Variants in FAM227B observed in about 807,000 individuals in gnomAD.
The protein encoded by FAM227B is family with sequence similarity 227 member B, also known as protein FAM227B.
A neutral mutation model predicts 73.8 loss-of-function variants in FAM227B; 88 were observed. The ratio of observed to expected loss-of-function variants is 1.19; its 90% CI spans 1.00 to 1.42. The LOEUF (loss-of-function observed/expected upper bound fraction) is 1.42. Among genes scored for constraint, FAM227B ranks in the 40% most tolerant of loss-of-function variants. The pLI, the probability that FAM227B is intolerant of heterozygous loss-of-function variation, is 0.00. For missense variants in FAM227B, 632 were observed against 590.9 expected (o/e 1.07, Z -0.72); for synonymous variants, 210 against 190.5 (o/e 1.10, Z -0.84).
At chr15:49,393,573 C>A (rs1443986398) in intron 11 of FAM227B, among the ~76,000 whole-genome samples, 1 of 152,060 alleles carries the variant, frequency 6.6e-6, no homozygotes, top group Non-Finnish European at 1.5e-5. Flanking sequence ...AAGATCAAAT[C>A]TGCAAAATTT....
chr15:49,519,929 T>A (rs1018926383), intron 10 of FAM227B, among the ~76,000 whole-genome samples: 1 of 152,210 alleles, frequency 6.6e-6, no homozygotes, highest in South Asian at 2.1e-4. Context: ...TTGGCTTCCC[T>A]TTTAAACATA....
In FAM227B at chr15:49,444,605, T is replaced by TCTAATGAAGC. The variant is rs1420702569; in HGVS notation, c.1012+63596_1012+63605dup. 7.9e-5 allele frequency among the ~76,000 whole-genome samples: 12 copies of TCTAATGAAGC among 151,816 alleles called. No homozygotes were observed. The East Asian group carries it at 2.3e-3, about 30-fold the overall frequency. ...TATCTCAAGCTGAAATAACTTGGTA[T>TCTAATGAAGC]CTAATGAAGCCTAATGAAGCAGATC... On this transcript the variant is annotated intron_variant, in intron 11 of 15. Transcript: ENST00000299338.
intron 13 of FAM227B, among the ~76,000 whole-genome samples, chr15:49,349,522 C>T (rs2041960262): frequency 6.6e-6 from 1 of 152,106 alleles, no homozygotes; most frequent in South Asian, 2.1e-4. Context: ...TTCTCTATTA[C>T]ATAAGTTTTA....
intron 11 of FAM227B, among the ~76,000 whole-genome samples, chr15:49,409,691 G>A (rs1299631711): frequency 6.6e-6 from 1 of 151,896 alleles, no homozygotes; most frequent in Non-Finnish European, 1.5e-5. Flanking sequence ...TAACTTTCTA[G>A]CAATGTTTGC....
chr15:49,507,250 A>G (rs1296315204), intron 11 of FAM227B, among the ~76,000 whole-genome samples: 1 of 152,174 alleles, frequency 6.6e-6, no homozygotes, highest in African/African-American at 2.4e-5. Context: ...TCTAAATTCA[A>G]AATTCTCAGA....
At chr15:49,587,096 G>A (rs535455735) in intron 5 of FAM227B, among the ~76,000 whole-genome samples, 2 of 152,158 alleles carry the variant, frequency 1.3e-5, no homozygotes, top group African/African-American at 4.8e-5. Context: ...CCCATCAATG[G>A]TTGACTGCAT....
intron 14 of FAM227B, among the ~76,000 whole-genome samples, chr15:49,332,405 T>G (rs1275034061): frequency 1.3e-5 from 2 of 152,170 alleles, no homozygotes; most frequent in East Asian, 1.9e-4. Context: ...CTTACTAGAC[T>G]GTAAGCTCAT....
rs1199039333 is a variant in FAM227B, at chr15:49,568,281, C to A, written c.711G>T (p.Met237Ile). The A allele has an allele frequency of 6.2e-7, 1 of 1,609,958 alleles. No individual in the cohort carries two copies. The highest frequency in any genetic ancestry group is 2.2e-5 in the East Asian group (1 of 44,648). The change falls in exon 9 of 16, where the codon ATG becomes ATT. Residue 237 changes from methionine (M) to isoleucine (I), a missense_variant. Physicochemically the swap from Met to Ile is conservative, Grantham distance 10. Coordinates refer to ENST00000299338, the MANE Select transcript of FAM227B (RefSeq NM_152647.3). ...CATCCTTTCGACTTAGAGGTATGCT[C>A]ATGAAAAGTGTCACATAACTTTCTG... Reference protein sequence around the residue: ...RISESYVTLFMSIPLSRKDAF... With the variant: ...RISESYVTLFISIPLSRKDAF...
At chr15:49,600,424 C>T (rs568788187) in intron 3 of FAM227B, among the ~76,000 whole-genome samples, 34 of 150,378 alleles carry the variant, frequency 2.3e-4, no homozygotes, top group South Asian at 4.2e-4. Flanking sequence ...GAGGCCAAGG[C>T]GGGTGGGTCA....
chr15:49,615,188 A>G lies in FAM227B; in HGVS notation c.-17T>C. The G allele has an allele frequency of 6.2e-7, 1 of 1,613,272 alleles. No individual in the cohort carries two copies. The highest frequency in any genetic ancestry group is 8.5e-7 in the Non-Finnish European group (1 of 1,179,206). On this transcript the variant is annotated 5_prime_UTR_variant, in exon 2 of 16. Coordinates refer to ENST00000299338, the MANE Select transcript of FAM227B (RefSeq NM_152647.3). The stretch of plus-strand genomic sequence containing the variant: ...GCCTGCCATGGTACAGTAACTTTGC[A>G]GAAATGAAGAGAAATCAGCTGGGTC...
chr15:49,450,393 A>AT (rs963365833), intron 11 of FAM227B, among the ~76,000 whole-genome samples: 2 of 151,588 alleles, frequency 1.3e-5, no homozygotes, highest in African/African-American at 4.8e-5. Flanking sequence ...TGCTAAAGAT[A>AT]TTTTTTTTCC....
intron 9 of FAM227B, among the ~76,000 whole-genome samples, chr15:49,542,927 G>C (rs955232577): frequency 3.3e-5 from 5 of 151,718 alleles, no homozygotes; most frequent in Admixed American, 6.6e-5. Flanking sequence ...ATTTAGGCTG[G>C]TTTCATATTT....
chr15:49,588,167 CA>C, intron 4 of FAM227B, 84 bp from the exon 5 acceptor site: 7 of 784,068 alleles, frequency 8.9e-6, no homozygotes, highest in Non-Finnish European at 1.2e-5. Context: ...ATACTTTAAA[CA>C]AATTATATAC....
At chr15:49,436,401 A>G (rs547775822) in intron 11 of FAM227B, among the ~76,000 whole-genome samples, 1 of 151,612 alleles carries the variant, frequency 6.6e-6, no homozygotes, top group Non-Finnish European at 1.5e-5. Context: ...TAAACCTTCC[A>G]GCTTTCCTTT....
rs1057200072 is a variant in FAM227B at position 49,497,103 on chromosome 15, A to G, written c.1012+11108T>C. 3.3e-5 allele frequency among the ~76,000 whole-genome samples: 5 copies of G among 152,334 alleles called. No homozygotes were observed. In the East Asian group the frequency reaches 5.8e-4, roughly 18 times the overall value. Reference sequence around the variant, plus strand: ...TCTTTAAAGAACAAAATGCTGGAAAAGGGGAATATAGAAATATTCTACTCA... The same window carrying G: ...TCTTTAAAGAACAAAATGCTGGAAAGGGGGAATATAGAAATATTCTACTCA... On this transcript the variant is annotated intron_variant, in intron 11 of 15. Coordinates refer to ENST00000299338, the MANE Select transcript of FAM227B (RefSeq NM_152647.3).
Position 49,327,866 on chromosome 15 carries a change from A to AGAT in FAM227B, c.*699_*701dup, listed in dbSNP as rs1382286920. ...CGCATGTATTTTCTTCTTAGAACTT[A>AGAT]GATAGGCTATGTGTTCTACAAACAC... is the stretch of plus-strand genomic sequence containing the variant. On this transcript the variant is annotated 3_prime_UTR_variant, in exon 16 of 16. Coordinates refer to ENST00000299338, the MANE Select transcript of FAM227B (RefSeq NM_152647.3). 1.6e-6 allele frequency: 2 copies of AGAT among 1,282,686 alleles called. No individual in the cohort carries two copies. Among genetic ancestry groups the AGAT allele is most frequent in the African/African-American group, 3.0e-5 (2 of 67,214 alleles). The allele number at this position is 1,282,686 out of a possible 1,614,324, so 79.5% of individuals were successfully genotyped here.
chr15:49,420,282 C>A (rs1315206014), intron 11 of FAM227B, among the ~76,000 whole-genome samples: 3 of 152,016 alleles, frequency 2.0e-5, no homozygotes, highest in African/African-American at 7.2e-5. Context: ...AAATGTTCCT[C>A]AATAGGAGGC....
chr15:49,607,301 C>G (rs1040546212), intron 3 of FAM227B, among the ~76,000 whole-genome samples: 1 of 152,160 alleles, frequency 6.6e-6, no homozygotes, highest in Non-Finnish European at 1.5e-5. Context: ...TCTTCCAAAT[C>G]CTGTAAATGT....
intron 5 of FAM227B, among the ~76,000 whole-genome samples, chr15:49,578,388 T>C (rs1002310425): frequency 5.3e-5 from 8 of 152,274 alleles, no homozygotes; most frequent in African/African-American, 1.7e-4. Flanking sequence ...TTTATACACA[T>C]AGATTAGTTT....
Sources: allele counts gnomAD v4.1 joint callset (sites outside exome capture counted in the v4.1 genomes callset), GRCh38; gene constraint gnomAD v4.1.1; transcripts MANE v1.5; gene names NCBI Gene and HGNC (gene_info 2026-07-23, HGNC 2026-07-21).